BRD10: variants seen among roughly 807,000 people sequenced by gnomAD.
The protein encoded by BRD10 is bromodomain containing 10.
the BRD10 span, among the ~76,000 whole-genome samples, chr9:5,970,091 T>C: frequency 2.0e-5 from 3 of 152,210 alleles, no homozygotes; most frequent in Admixed American, 6.5e-5. Flanking sequence ...GTAAGATATT[T>C]ATATCCTCTG....
the BRD10 span, among the ~76,000 whole-genome samples, chr9:5,935,688 G>A: frequency 3.9e-5 from 6 of 152,144 alleles, no homozygotes; most frequent in African/African-American, 1.4e-4. Context: ...TGTTTATTTG[G>A]CATAAGAGGG....
At chr9:5,893,326 G>A in the BRD10 span, among the ~76,000 whole-genome samples, 8 of 152,260 alleles carry the variant, frequency 5.3e-5, no homozygotes, top group East Asian at 1.2e-3. Flanking sequence ...CACCCTCTGC[G>A]TGGGACTCTA....
At chr9:5,908,028 C>T in the BRD10 span, among the ~76,000 whole-genome samples, 1 of 152,276 alleles carries the variant, frequency 6.6e-6, no homozygotes, top group Non-Finnish European at 1.5e-5. Context: ...AGTACATATA[C>T]AACACAGCAT....
the BRD10 span, among the ~76,000 whole-genome samples, chr9:5,943,031 C>T: frequency 8.5e-5 from 13 of 152,138 alleles, no homozygotes; most frequent in African/African-American, 2.9e-4. Flanking sequence ...GCATGCACCA[C>T]CACGCTGAGC....
chr9:5,929,877 G>C, the BRD10 span, among the ~76,000 whole-genome samples: 1 of 152,134 alleles, frequency 6.6e-6, no homozygotes, highest in Admixed American at 6.6e-5. Flanking sequence ...ACTTGCTTAA[G>C]GTCCTATAAC....
At chr9:5,988,320 T>G in the BRD10 span, 1 of 1,573,492 alleles carries the variant, frequency 6.4e-7, no homozygotes, top group Non-Finnish European at 8.7e-7. Flanking sequence ...CAGCTGAAAT[T>G]ATGAATTTTT....
chr9:5,985,523 C>T, the BRD10 span, among the ~76,000 whole-genome samples: 1 of 152,196 alleles, frequency 6.6e-6, no homozygotes, highest in Non-Finnish European at 1.5e-5. Context: ...CGGTGGCTCA[C>T]ACCTGTAATC....
At chr9:5,893,808 T>C in the BRD10 span, among the ~76,000 whole-genome samples, 3 of 152,142 alleles carry the variant, frequency 2.0e-5, no homozygotes, top group Admixed American at 1.3e-4. Flanking sequence ...TGTTGTGCCA[T>C]CACCTCCACA....
At chr9:5,971,984 T>A in the BRD10 span, among the ~76,000 whole-genome samples, 5 of 152,242 alleles carry the variant, frequency 3.3e-5, no homozygotes, top group African/African-American at 7.2e-5. Flanking sequence ...CAAATTCACA[T>A]TTCCTGAGTG....
At chr9:5,994,402 A>C in the BRD10 span, among the ~76,000 whole-genome samples, 1 of 152,160 alleles carries the variant, frequency 6.6e-6, no homozygotes, top group African/African-American at 2.4e-5. Flanking sequence ...CTCACACACA[A>C]AAAGGTTTTC....
chr9:5,943,268 G>T, the BRD10 span, among the ~76,000 whole-genome samples: 1 of 152,106 alleles, frequency 6.6e-6, no homozygotes, highest in Non-Finnish European at 1.5e-5. Context: ...GCTTGCAGAA[G>T]TCTTTTTCTC....
chr9:5,930,960 T>G, the BRD10 span, among the ~76,000 whole-genome samples: 1 of 152,238 alleles, frequency 6.6e-6, no homozygotes, highest in African/African-American at 2.4e-5. Flanking sequence ...CTTCCACTTC[T>G]CAACTATTTG....
the BRD10 span, among the ~76,000 whole-genome samples, chr9:5,956,284 G>A: frequency 9.9e-5 from 15 of 152,256 alleles, no homozygotes; most frequent in African/African-American, 2.9e-4. Flanking sequence ...GGACTGAGAA[G>A]CTAAGGTGGT....
At chr9:5,887,219 A>G in the BRD10 span, among the ~76,000 whole-genome samples, 1 of 152,190 alleles carries the variant, frequency 6.6e-6, no homozygotes, top group Non-Finnish European at 1.5e-5. Flanking sequence ...AGATCACACC[A>G]CTGCATTCCT....
chr9:5,890,181 G>C, the BRD10 span, among the ~76,000 whole-genome samples: 1 of 152,138 alleles, frequency 6.6e-6, no homozygotes, highest in Non-Finnish European at 1.5e-5. Context: ...GTGATGATTG[G>C]GTTTCCATGT....
At chr9:5,922,871 G>A in the BRD10 span, 7 of 1,613,964 alleles carry the variant, frequency 4.3e-6, no homozygotes, top group Non-Finnish European at 5.9e-6. Context: ...TGCTTCCGGA[G>A]GAGATAAAAC....
chr9:5,997,778 A>G, the BRD10 span, among the ~76,000 whole-genome samples: 3 of 152,206 alleles, frequency 2.0e-5, no homozygotes, highest in Admixed American at 6.5e-5. Context: ...CCTTCATTCA[A>G]TATTAACTAA....
chr9:5,897,957 G>C, the BRD10 span: 4 of 297,144 alleles, frequency 1.3e-5, no homozygotes, highest in Non-Finnish European at 2.6e-5. Flanking sequence ...GGAACTCCAA[G>C]ATCTAGGGGC....
the BRD10 span, among the ~76,000 whole-genome samples, chr9:5,882,976 A>T: frequency 6.6e-6 from 1 of 152,068 alleles, no homozygotes; most frequent in Non-Finnish European, 1.5e-5. Flanking sequence ...ACTTGGACAC[A>T]GGAAGGGGAA....
Sources: allele counts gnomAD v4.1 joint callset (sites outside exome capture counted in the v4.1 genomes callset), GRCh38; gene constraint gnomAD v4.1.1; transcripts MANE v1.5; gene names NCBI Gene and HGNC (gene_info 2026-07-23, HGNC 2026-07-21).